Variants in ZSWIM6 observed in about 807,000 individuals in gnomAD.
ZSWIM6 encodes zinc finger SWIM domain-containing protein 6.
A neutral mutation model predicts 113.2 loss-of-function variants in ZSWIM6; 9 were observed. That is an observed-to-expected ratio of 0.08 (90% CI 0.05 to 0.14). The LOEUF (loss-of-function observed/expected upper bound fraction) is 0.14, where lower values mean the gene tolerates loss of function less well. Ranked by LOEUF, ZSWIM6 falls within the 10% of genes least tolerant of loss-of-function variation. The probability of loss-of-function intolerance (pLI) is 1.00; values close to 1 mark genes in which losing one functional copy is unlikely to be tolerated. For missense variants in ZSWIM6, 1,162 were observed against 1,552.2 expected (o/e 0.75, Z 4.22); for synonymous variants, 611 against 606.5 (o/e 1.01, Z -0.11).
chr5:61,492,548 G>A (rs1283795850), intron 3 of ZSWIM6, among the ~76,000 whole-genome samples: 2 of 152,054 alleles, frequency 1.3e-5, no homozygotes, highest in Non-Finnish European at 2.9e-5. Flanking sequence ...TTACATGGTT[G>A]TTGTGAAAAT....
intron 3 of ZSWIM6, among the ~76,000 whole-genome samples, chr5:61,492,013 G>C (rs1002734829): frequency 6.6e-6 from 1 of 151,932 alleles, no homozygotes; most frequent in Non-Finnish European, 1.5e-5. Context: ...AGCATTCTTT[G>C]GTGATTCACA....
intron 1 of ZSWIM6, among the ~76,000 whole-genome samples, chr5:61,401,578 G>GA (rs935162551): frequency 6.6e-6 from 1 of 152,028 alleles, no homozygotes; most frequent in African/African-American, 2.4e-5. Context: ...ACATTTACCT[G>GA]AAAAATAGCT....
chr5:61,371,022 C>G (rs769398167), intron 1 of ZSWIM6, among the ~76,000 whole-genome samples: 2 of 152,316 alleles, frequency 1.3e-5, no homozygotes, highest in South Asian at 2.1e-4. Flanking sequence ...GTGGACAGCA[C>G]GAGCTCTGGG....
chr5:61,526,219 G>A, intron 6 of ZSWIM6, 31 bp from the exon 7 acceptor site: 1 of 1,523,582 alleles, frequency 6.6e-7, no homozygotes. Context: ...TCTGACAGTG[G>A]CAACTTTACC....
chr5:61,539,110 C>A, intron 11 of ZSWIM6, 139 bp downstream of exon 11: 1 of 998,856 alleles, frequency 1.0e-6, no homozygotes, highest in Non-Finnish European at 1.4e-6. Flanking sequence ...TAGATGTTAG[C>A]TTTTAAGGCA....
chr5:61,467,320 T>C (rs1267005546), intron 1 of ZSWIM6, among the ~76,000 whole-genome samples: 2 of 152,226 alleles, frequency 1.3e-5, no homozygotes, highest in African/African-American at 4.8e-5. Flanking sequence ...CAAAATATTT[T>C]AGTGAACAGG....
At chr5:61,413,907 T>C (rs1746194326) in intron 1 of ZSWIM6, among the ~76,000 whole-genome samples, 1 of 146,408 alleles carries the variant, frequency 6.8e-6, no homozygotes, top group South Asian at 2.1e-4. Flanking sequence ...TGTTAAAGTG[T>C]GTGTGAAGGA....
intron 5 of ZSWIM6, among the ~76,000 whole-genome samples, chr5:61,523,804 C>T (rs1749202784): frequency 1.3e-5 from 2 of 152,254 alleles, no homozygotes; most frequent in African/African-American, 4.8e-5. Context: ...GAGTATTTAG[C>T]CTCTTTTGTT....
intron 1 of ZSWIM6, among the ~76,000 whole-genome samples, chr5:61,349,671 G>A (rs2112037548): frequency 6.6e-6 from 1 of 152,086 alleles, no homozygotes; most frequent in South Asian, 2.1e-4. Context: ...CAGGCCAAAA[G>A]CTATTCTGAA....
chr5:61,507,910 A>T (rs542644549), intron 4 of ZSWIM6, among the ~76,000 whole-genome samples: 1 of 152,220 alleles, frequency 6.6e-6, no homozygotes, highest in South Asian at 2.1e-4. Context: ...ATAACTATAC[A>T]TACAAATTCC....
chr5:61,374,588 C>G (rs1381859448), intron 1 of ZSWIM6, among the ~76,000 whole-genome samples: 1 of 152,204 alleles, frequency 6.6e-6, no homozygotes, highest in Admixed American at 6.5e-5. Flanking sequence ...GAGTCTCGCT[C>G]TGTCGCCCAG....
At chr5:61,499,242 A>T (rs1341447967) in intron 4 of ZSWIM6, among the ~76,000 whole-genome samples, 1 of 152,194 alleles carries the variant, frequency 6.6e-6, no homozygotes. Context: ...ACCACATATC[A>T]GGATTGCTTG....
chr5:61,438,653 T>C (rs1746761937), intron 1 of ZSWIM6, among the ~76,000 whole-genome samples: 1 of 152,224 alleles, frequency 6.6e-6, no homozygotes, highest in African/African-American at 2.4e-5. Context: ...TGCAGAGATA[T>C]TAAATATACA....
chr5:61,528,269 A>T (rs1749337464), intron 7 of ZSWIM6, among the ~76,000 whole-genome samples: 1 of 152,074 alleles, frequency 6.6e-6, no homozygotes, highest in Non-Finnish European at 1.5e-5. Flanking sequence ...TTCTGAAAAA[A>T]AACAGATTTA....
chr5:61,515,869 A>G (rs1259175946), intron 4 of ZSWIM6, among the ~76,000 whole-genome samples: 1 of 151,854 alleles, frequency 6.6e-6, no homozygotes, highest in Admixed American at 6.6e-5. Flanking sequence ...ATCTGGGATT[A>G]TGTCTTTTTG....
rs1373969893 is a variant in ZSWIM6 at position 61,332,673 on chromosome 5, C to A, written c.401C>A (p.Ala134Glu). ...TCCTTCAACACCGGCGGCGGCGCCG[C>A]GGGCGGCCCCGGCGACGACAGCGGT... ...YSSFNTGGGA[A>E]GGPGDDSGGG... is the part of the protein sequence containing the mutation. The change falls in exon 1 of 14, where the codon GCG becomes GAG. Residue 134 changes from alanine (A) to glutamate (E), a missense_variant. Ala to Glu is a moderately radical substitution (Grantham distance 107, BLOSUM62 -1). Around this residue, in one of 4 missense-constraint regions of ZSWIM6, gnomAD observed 333 missense variants for 293.4 expected, o/e 1.13. Coordinates refer to ENST00000252744, the MANE Select transcript of ZSWIM6 (RefSeq NM_020928.2). 9.1e-7 allele frequency: 1 copy of A among 1,099,836 alleles called. No individual in the cohort carries two copies. The allele number at this position is 1,099,836 out of a possible 1,614,324, so 68.1% of individuals were successfully genotyped here. A position where few individuals can be genotyped will look rare whatever the true frequency, so the allele number is the denominator to read the frequency against.
At chr5:61,542,555 A>T in intron 13 of ZSWIM6, among the ~76,000 whole-genome samples, 1 of 152,170 alleles carries the variant, frequency 6.6e-6, no homozygotes, top group East Asian at 1.9e-4. Flanking sequence ...CTTTTTTCAT[A>T]TTTGCATCAG....
chr5:61,390,735 A>G lies in ZSWIM6; in HGVS notation c.676+57787A>G, dbSNP rs183988569. 576 of 793,496 alleles carry G rather than the reference A, an allele frequency of 7.3e-4. 1 individual carries two copies. Among genetic ancestry groups the G allele is most frequent in the Non-Finnish European group, 1.1e-3 (481 of 440,504 alleles). 49.2% of individuals were successfully genotyped at this position (793,496 alleles called of 1,614,324 possible). A position where few individuals can be genotyped will look rare whatever the true frequency, so the allele number is the denominator to read the frequency against. ...TGCCATGAATGCTGTCTTCTCCTCC[A>G]TGGTCTGGAAGCAGCCATGGCCAAA... is the stretch of plus-strand genomic sequence containing the variant. On this transcript the variant is annotated intron_variant, in intron 1 of 13. Coordinates refer to ENST00000252744, the MANE Select transcript of ZSWIM6 (RefSeq NM_020928.2).
intron 1 of ZSWIM6, among the ~76,000 whole-genome samples, chr5:61,455,662 A>G (rs1295404217): frequency 1.3e-5 from 2 of 152,132 alleles, no homozygotes; most frequent in Middle Eastern, 3.2e-3. Context: ...GCAGATCTCT[A>G]TAGCTAAAGG....
Sources: gnomAD v4.1 joint callset for allele counts (sites outside exome capture counted in the v4.1 genomes callset) on GRCh38, gnomAD v4.1.1 for gene constraint, gnomAD v4.1.1 regional missense constraint, MANE v1.5 for transcripts, NCBI Gene and HGNC (gene_info 2026-07-23, HGNC 2026-07-21) for gene names.